The following PRDM11 variants were observed in gnomAD, a reference collection of about 807,000 sequenced individuals.
PRDM11 encodes the protein PR domain-containing protein 11.
Under a neutral mutation model 97.8 loss-of-function variants are expected in PRDM11, and 20 were observed. That is an observed-to-expected ratio of 0.20 (90% CI 0.14 to 0.30). The LOEUF (loss-of-function observed/expected upper bound fraction) is 0.30, where lower values mean the gene tolerates loss of function less well. Ranked by LOEUF, PRDM11 falls within the 10% of genes least tolerant of loss-of-function variation. PRDM11 has a pLI of 1.00. For synonymous variants in PRDM11, 599 were observed against 637.7 expected (o/e 0.94, Z 0.91); for missense variants, 1,139 against 1,555.2 (o/e 0.73, Z 4.50).
At chr11:45,185,675 C>A (rs1852678050) in intron 4 of PRDM11, among the ~76,000 whole-genome samples, 1 of 152,142 alleles carries the variant, frequency 6.6e-6, no homozygotes, top group Non-Finnish European at 1.5e-5. Context: ...GGATCAGCAT[C>A]ATTTCTGTCC....
At chr11:45,127,928 T>C (rs1852617457) in intron 1 of PRDM11, among the ~76,000 whole-genome samples, 10 of 152,212 alleles carry the variant, frequency 6.6e-5, no homozygotes, top group Admixed American at 6.5e-4. Context: ...TGTCTTTTTG[T>C]CTTTGCCCTG....
intron 4 of PRDM11, among the ~76,000 whole-genome samples, chr11:45,203,868 T>A (rs1853416848): frequency 6.6e-6 from 1 of 152,188 alleles, no homozygotes; most frequent in Non-Finnish European, 1.5e-5. Context: ...TTCAAAAGCC[T>A]AATGACTGAG....
intron 4 of PRDM11, among the ~76,000 whole-genome samples, chr11:45,197,338 C>T (rs1318837614): frequency 1.3e-5 from 2 of 151,938 alleles, no homozygotes; most frequent in African/African-American, 4.8e-5. Flanking sequence ...TTTCCAGTGG[C>T]TGGGAAAGAG....
In PRDM11 at chr11:45,219,347, T is replaced by A. The variant is rs1468443614; in HGVS notation, c.555-223T>A. Among the ~76,000 whole-genome samples the A allele has an allele frequency of 6.6e-6, 1 of 152,048 alleles. No individual in the cohort carries two copies. Among genetic ancestry groups the A allele is most frequent in the East Asian group, 1.9e-4 (1 of 5,186 alleles). On this transcript the variant is annotated intron_variant, in intron 5 of 7. Transcript: ENST00000683152. This position sits in a 1 kb window ranked among gnomAD's most constrained non-coding sequence, Gnocchi z 4.2. ...TCAGAAAACAGAGATTCTTAGAGGT[T>A]TGGAGATCTGCTTGAGGTCCCACAA...
intron 1 of PRDM11, among the ~76,000 whole-genome samples, chr11:45,154,863 C>G (rs1851752349): frequency 6.6e-6 from 1 of 152,336 alleles, no homozygotes; most frequent in Non-Finnish European, 1.5e-5. Flanking sequence ...AGCTAACATT[C>G]TAACCCCAAA....
Position 45,183,889 on chromosome 11 carries a change from C to T in PRDM11, c.486+766C>T, listed in dbSNP as rs537035732. 2.0e-5 allele frequency among the ~76,000 whole-genome samples: 3 copies of T among 152,140 alleles called. No homozygotes were observed. The East Asian group carries it at 5.8e-4, about 29-fold the overall frequency. ...CTGGCCCTGGAAATACAGTGGTGGG[C>T]CAGATAAGGCAATCAGATAAATCCT... is the stretch of plus-strand genomic sequence containing the variant. On this transcript the variant is annotated intron_variant, in intron 4 of 7. Coordinates refer to ENST00000683152, the MANE Select transcript of PRDM11 (RefSeq NM_001384648.1).
At chr11:45,120,302 G>T (rs1427287943) in intron 1 of PRDM11, among the ~76,000 whole-genome samples, 2 of 151,974 alleles carry the variant, frequency 1.3e-5, no homozygotes, top group African/African-American at 4.8e-5. Flanking sequence ...GAGGAATGAG[G>T]CATAACCAGT....
At chr11:45,160,760 A>G (rs1851908511) in intron 1 of PRDM11, among the ~76,000 whole-genome samples, 1 of 152,166 alleles carries the variant, frequency 6.6e-6, no homozygotes, top group African/African-American at 2.4e-5. Flanking sequence ...AGTTTATTGT[A>G]CAATGTTTAA....
intron 5 of PRDM11, 25 bp downstream of exon 5, chr11:45,204,803 C>CG (rs1565322312): frequency 6.3e-7 from 1 of 1,592,272 alleles, no homozygotes; most frequent in East Asian, 2.2e-5. Context: ...GCTGATGTCC[C>CG]GGGGGTCTTG....
chr11:45,165,889 G>T (rs1214535550), intron 1 of PRDM11, among the ~76,000 whole-genome samples: 1 of 152,120 alleles, frequency 6.6e-6, no homozygotes, highest in African/African-American at 2.4e-5. Flanking sequence ...CCCTCCCATT[G>T]CAGCCTGTCT....
intron 1 of PRDM11, among the ~76,000 whole-genome samples, chr11:45,107,303 C>T (rs972381351): frequency 3.9e-5 from 6 of 152,176 alleles, no homozygotes; most frequent in African/African-American, 1.2e-4. Context: ...ATGACATCTT[C>T]GAACTCCACT....
intron 4 of PRDM11, among the ~76,000 whole-genome samples, chr11:45,186,472 C>A (rs1195278448): frequency 6.6e-6 from 1 of 152,264 alleles, no homozygotes; most frequent in Middle Eastern, 3.4e-3. Flanking sequence ...GCATTTCCTA[C>A]AGAAAAGGTG....
Position 45,231,846 on chromosome 11 carries a change from T to C in PRDM11, c.*3687T>C, listed in dbSNP as rs970142331. 1 of 151,990 alleles carries C rather than the reference T, an allele frequency of 6.6e-6. No homozygotes were observed. Among genetic ancestry groups the C allele is most frequent in the African/African-American group, 2.4e-5 (1 of 41,370 alleles). 9.4% of individuals were successfully genotyped at this position (151,990 alleles called of 1,614,324 possible). A position where few individuals can be genotyped will look rare whatever the true frequency, so the allele number is the denominator to read the frequency against. ...GTCCAGGCATCAGAAACAGCAGCCT[T>C]ATTTAATTTAATTTTTCTAATGACT... On this transcript the variant is annotated 3_prime_UTR_variant, in exon 8 of 8. Coordinates refer to ENST00000683152, the MANE Select transcript of PRDM11 (RefSeq NM_001384648.1).
intron 4 of PRDM11, among the ~76,000 whole-genome samples, chr11:45,185,313 T>C (rs1852664453): frequency 2.0e-5 from 3 of 152,368 alleles, no homozygotes; most frequent in African/African-American, 7.2e-5. Context: ...CCAGGATTAC[T>C]GTAAACATTT....
Position 45,183,012 on chromosome 11 carries a change from A to G in PRDM11, c.375A>G (p.Gly125=). 1 of 1,614,116 alleles carries G rather than the reference A, an allele frequency of 6.2e-7. No individual in the cohort carries two copies. Among genetic ancestry groups the G allele is most frequent in the Non-Finnish European group, 8.5e-7 (1 of 1,180,018 alleles). Reference sequence around the variant, plus strand: ...TGGAGGTGGTCAAGGACACTAGTGGAGAGAGTGACGTGCGATGTGTAAACG... The same window carrying G: ...TGGAGGTGGTCAAGGACACTAGTGGGGAGAGTGACGTGCGATGTGTAAACG... ...QGMEVVKDTS[G]ESDVRCVNEV... The change falls in exon 4 of 8, where the codon GGA becomes GGG. Residue 125 remains glycine, a synonymous_variant. Coordinates refer to ENST00000683152, the MANE Select transcript of PRDM11 (RefSeq NM_001384648.1).
chr11:45,219,650 G>A lies in PRDM11; in HGVS notation c.635G>A (p.Cys212Tyr). 6.2e-7 allele frequency: 1 copy of A among 1,614,172 alleles called. No individual in the cohort carries two copies. The highest frequency in any genetic ancestry group is 8.5e-7 in the Non-Finnish European group (1 of 1,180,026). ...AGTGAGCGCATCTACTTCCGGGCGT[G>A]CAGGGACATCCGGCCTGGGGAGTGG... ...QHSERIYFRA[C>Y]RDIRPGEWLR... Residue 212 changes from cysteine (C) to tyrosine (Y), a missense_variant, in exon 6 of 8, where the codon TGC becomes TAC. Around this residue, in one of 2 missense-constraint regions of PRDM11, gnomAD observed 429 missense variants for 510.3 expected, o/e 0.84. Coordinates refer to ENST00000683152, the MANE Select transcript of PRDM11 (RefSeq NM_001384648.1). The surrounding 1 kb of genome is among the most constrained non-coding windows in gnomAD (Gnocchi z 4.2).
chr11:45,114,966 A>G (rs1852268697), intron 1 of PRDM11, among the ~76,000 whole-genome samples: 1 of 152,190 alleles, frequency 6.6e-6, no homozygotes, highest in East Asian at 1.9e-4. Context: ...TTTAGGCTGA[A>G]GGGAGATTAC....
chr11:45,177,963 G>A (rs1484472663), intron 1 of PRDM11, among the ~76,000 whole-genome samples: 1 of 152,154 alleles, frequency 6.6e-6, no homozygotes, highest in Non-Finnish European at 1.5e-5. Context: ...TGTGGTGAAG[G>A]TGGGATGTGA....
chr11:45,161,402 C>A (rs1231830577), intron 1 of PRDM11, among the ~76,000 whole-genome samples: 1 of 152,180 alleles, frequency 6.6e-6, no homozygotes, highest in Non-Finnish European at 1.5e-5. Context: ...AGCGGGCAAT[C>A]GGATTTCATC....
Sources: allele counts gnomAD v4.1 joint callset (sites outside exome capture counted in the v4.1 genomes callset), GRCh38; gene constraint gnomAD v4.1.1; regional missense constraint gnomAD v4.1.1; non-coding constraint Gnocchi (gnomAD v3.1); transcripts MANE v1.5; gene names NCBI Gene and HGNC (gene_info 2026-07-23, HGNC 2026-07-21).